The following PIEZO1 variants were observed in gnomAD, a reference collection of about 807,000 sequenced individuals.
PIEZO1 encodes the protein piezo-type mechanosensitive ion channel component 1.
PIEZO1 carries 296 observed loss-of-function variants against 297.2 expected under a neutral mutation model. That is an observed-to-expected ratio of 1.00 (90% CI 0.91 to 1.10). The LOEUF (loss-of-function observed/expected upper bound fraction) is 1.10. PIEZO1 is among the 50% of genes least tolerant of loss of function. PIEZO1 has a pLI of 0.00. For missense variants in PIEZO1, 5,018 were observed against 3,455.5 expected (o/e 1.45, Z -11.34); for synonymous variants, 2,427 against 1,507.5 (o/e 1.61, Z -14.13).
intron 31 of PIEZO1, 39 bp from the exon 32 acceptor site, chr16:88,723,367 G>A (rs910639635): frequency 3.5e-5 from 53 of 1,534,846 alleles, no homozygotes; most frequent in Non-Finnish European, 4.5e-5. Flanking sequence ...GGCCTCCCGA[G>A]CCATCAGACC....
At position 88,722,198 on chromosome 16, in the gene PIEZO1, T is replaced by C. The variant is rs1039102891; in HGVS notation, c.4955+20A>G. 4 of 1,540,900 alleles carry C rather than the reference T, an allele frequency of 2.6e-6. No individual in the cohort carries two copies. In the East Asian group the frequency reaches 7.3e-5, roughly 28 times the overall value. ...CCGAGGGCCATGGTGAGGCTGGTGT[T>C]GTGCGCGTCCCGCCCCCACCTGTCC... On this transcript the variant is annotated intron_variant, in intron 36 of 50. Coordinates refer to ENST00000301015, the MANE Select transcript of PIEZO1 (RefSeq NM_001142864.4).
intron 1 of PIEZO1, among the ~76,000 whole-genome samples, chr16:88,784,040 G>A (rs1279990084): frequency 6.6e-6 from 1 of 152,206 alleles, no homozygotes; most frequent in African/African-American, 2.4e-5. Context: ...CGGGCGGAGG[G>A]CGCGGACCCT....
At chr16:88,738,476 A>G (rs1487606067) in intron 6 of PIEZO1, 36 bp from the exon 7 acceptor site, 26 of 1,531,478 alleles carry the variant, frequency 1.7e-5, no homozygotes, top group Non-Finnish European at 2.3e-5. Flanking sequence ...GTACCTGGCC[A>G]GTGCCATGTG....
At position 88,720,499 on chromosome 16, in the gene PIEZO1, G is replaced by A. The variant is rs776602133; in HGVS notation, c.5835C>T (p.Phe1945=). ...ACTTGGTGTGCAGGATGTCGTGGAAGAAGCGCCGTAGCGGCCGATATGTGC... is the reference window on the plus strand; with the variant it reads ...ACTTGGTGTGCAGGATGTCGTGGAAAAAGCGCCGTAGCGGCCGATATGTGC... The part of the protein sequence containing the change: ...AQGTYRPLRR[F]FHDILHTKYR... The change falls in exon 41 of 51, where the codon TTC becomes TTT. Residue 1945 remains phenylalanine (F), a synonymous_variant. Coordinates refer to ENST00000301015, the MANE Select transcript of PIEZO1 (RefSeq NM_001142864.4). 25 of 1,550,224 alleles carry A rather than the reference G, an allele frequency of 1.6e-5. No individual in the cohort carries two copies. Among genetic ancestry groups the A allele is most frequent in the Non-Finnish European group, 2.1e-5 (24 of 1,146,978 alleles).
chr16:88,716,081 G>T lies in PIEZO1; in HGVS notation c.7168C>A (p.Arg2390=), dbSNP rs540641036. The change falls in exon 50 of 51, where the codon CGG becomes AGG. Residue 2390 remains arginine, a synonymous_variant. Coordinates refer to ENST00000301015, the MANE Select transcript of PIEZO1 (RefSeq NM_001142864.4). The part of the protein sequence containing the change: ...ADYLGVRIQL[R]REQGAGATGF... Reference sequence around the variant, plus strand: ...GTGGCCCCCGCACCCTGCTCCCTCCGCAGCTGGATACGCACGCCGAGGTAG... The same window carrying T: ...GTGGCCCCCGCACCCTGCTCCCTCCTCAGCTGGATACGCACGCCGAGGTAG... The T allele has an allele frequency of 6.5e-7, 1 of 1,549,612 alleles. No homozygotes were observed. Among genetic ancestry groups the T allele is most frequent in the Non-Finnish European group, 8.7e-7 (1 of 1,146,546 alleles).
rs146744525 is a variant in PIEZO1 at position 88,755,374 on chromosome 16, G to A, written c.65-5895C>T. Reference sequence around the variant, plus strand: ...ACCTACTCCCTGGCATTCACGTGCAGGAAAGAAAAAAAAGAGTGTCTAGTC... The same window carrying A: ...ACCTACTCCCTGGCATTCACGTGCAAGAAAGAAAAAAAAGAGTGTCTAGTC... On this transcript the variant is annotated intron_variant, in intron 1 of 50. Transcript: ENST00000301015. 2.1e-3 allele frequency among the ~76,000 whole-genome samples: 323 copies of A among 152,222 alleles called. 3 individuals carry two copies. The highest frequency in any genetic ancestry group is 7.3e-3 in the African/African-American group (305 of 41,544).
Position 88,723,238 on chromosome 16 carries a change from G to A in PIEZO1, c.4426C>T (p.Gln1476Ter), listed in dbSNP as rs1300994588. The A allele has an allele frequency of 6.5e-7, 1 of 1,546,786 alleles. No individual in the cohort carries two copies. Among genetic ancestry groups the A allele is most frequent in the Non-Finnish European group, 8.7e-7 (1 of 1,146,822 alleles). The change falls in exon 32 of 51, where the codon CAG becomes TAG. Residue 1476 changes from glutamine to a stop codon, truncating the protein, a stop_gained. Transcript: ENST00000301015. LOFTEE classifies it high-confidence loss of function. ...QEQARQEQAG[Q>*]LPTGGGPSQE... ...CCCCCCAGCTCACCTGTGGGTAGCT[G>A]TCCTGCCTGTTCCTGCCTTGCCTGC...
In PIEZO1 at chr16:88,716,588, G is replaced by C. The variant is rs1912053011; in HGVS notation, c.6897C>G (p.Ile2299Met). The change falls in exon 47 of 51, where the codon ATC becomes ATG. Residue 2299 changes from isoleucine to methionine, a missense_variant. Coordinates refer to ENST00000301015, the MANE Select transcript of PIEZO1 (RefSeq NM_001142864.4). Reference sequence around the variant, plus strand: ...GGAAGTTCCAGGTGAAGCGCAGGGTGATGTCGGCCGTGCCGTTGTAGAGCT... The same window carrying C: ...GGAAGTTCCAGGTGAAGCGCAGGGTCATGTCGGCCGTGCCGTTGTAGAGCT... The part of the protein sequence containing the change: ...KRELYNGTAD[I>M]TLRFTWNFQR... 1 of 1,547,656 alleles carries C rather than the reference G, an allele frequency of 6.5e-7. No individual in the cohort carries two copies. Among genetic ancestry groups the C allele is most frequent in the Admixed American group, 2.0e-5 (1 of 50,814 alleles).
chr16:88,716,596 C>T lies in PIEZO1; in HGVS notation c.6889G>A (p.Ala2297Thr). Residue 2297 changes from alanine to threonine, a missense_variant, in exon 47 of 51, where the codon GCC becomes ACC. Transcript: ENST00000301015. The stretch of plus-strand genomic sequence containing the variant: ...CAGGTGAAGCGCAGGGTGATGTCGG[C>T]CGTGCCGTTGTAGAGCTCCCGCTTC... ...QMKRELYNGTADITLRFTWNF... is the reference protein window; with the variant it reads ...QMKRELYNGTTDITLRFTWNF... 6.5e-7 allele frequency: 1 copy of T among 1,548,224 alleles called. No individual in the cohort carries two copies. Among genetic ancestry groups the T allele is most frequent in the Non-Finnish European group, 8.7e-7 (1 of 1,145,704 alleles).
Position 88,721,238 on chromosome 16 carries a change from T to A in PIEZO1, c.5596A>T (p.Thr1866Ser), listed in dbSNP as rs1912418453. 1 of 1,540,980 alleles carries A rather than the reference T, an allele frequency of 6.5e-7. No homozygotes were observed. Among genetic ancestry groups the A allele is most frequent in the Non-Finnish European group, 8.7e-7 (1 of 1,145,822 alleles). ...EPQVELRPRD[T>S]RRISLRFRRR... ...CTAAAACGTAGACTGATGCGCCTCG[T>A]ATCACGGGGCCTGAGCTCCACTTGG... is the stretch of plus-strand genomic sequence containing the variant. The change falls in exon 39 of 51, where the codon ACG (threonine) becomes TCG (serine). Residue 1866 changes from threonine (T) to serine (S), a missense_variant. By Grantham distance (58) the Thr-to-Ser change is moderately conservative (BLOSUM62 1). Transcript: ENST00000301015.
chr16:88,758,383 G>A (rs1906773587), intron 1 of PIEZO1, among the ~76,000 whole-genome samples: 1 of 152,214 alleles, frequency 6.6e-6, no homozygotes, highest in Non-Finnish European at 1.5e-5. Context: ...TGGCCTGGGG[G>A]CAACCCTGGC....
intron 5 of PIEZO1, 167 bp downstream of exon 5, chr16:88,741,311 C>G (rs896693053): frequency 3.2e-6 from 2 of 626,148 alleles, no homozygotes; most frequent in Non-Finnish European, 5.5e-6. Flanking sequence ...GATGGAACTG[C>G]AGGCTGGGCC....
At chr16:88,779,738 T>C (rs1015207271) in intron 1 of PIEZO1, among the ~76,000 whole-genome samples, 2 of 152,244 alleles carry the variant, frequency 1.3e-5, no homozygotes, top group Non-Finnish European at 2.9e-5. Context: ...TCTGTGCTCC[T>C]GGGAGCTGCC....
intron 21 of PIEZO1, 47 bp from the exon 22 acceptor site, chr16:88,731,957 G>GGGCGGGGTGTGGGGATGCACTGAGTCTGA (rs1555555060): frequency 1.0e-5 from 1 of 97,896 alleles, no homozygotes; most frequent in African/African-American, 6.1e-5. Context: ...GAGTCTGGGG[G>GGGCGGGGTGTGGGGATGCACTGAGTCTGA]GAGGGACTTT....
chr16:88,722,775 T>G, intron 34 of PIEZO1, 62 bp downstream of exon 34: 1 of 1,530,660 alleles, frequency 6.5e-7, no homozygotes, highest in Non-Finnish European at 8.8e-7. Context: ...GACTAGGCTG[T>G]TAAGCAGGCA....
intron 2 of PIEZO1, chr16:88,742,807 G>A (rs927258005): frequency 8.8e-6 from 3 of 342,084 alleles, no homozygotes; most frequent in Non-Finnish European, 1.7e-5. Context: ...CCTCACCCCA[G>A]TGGGGGCTGC....
At chr16:88,744,014 CTGCCCCGAACCCATAGG>C (rs1487431387) in intron 2 of PIEZO1, 2 of 203,310 alleles carry the variant, frequency 9.8e-6, no homozygotes, top group African/African-American at 4.7e-5. Context: ...CAGGGCCTCC[CTGCCCCGAACCCATAGG>C]TGCCAGGCTT....
At chr16:88,737,698 G>C (rs369884407) in intron 9 of PIEZO1, 30 bp downstream of exon 9, 2 of 1,533,316 alleles carry the variant, frequency 1.3e-6, no homozygotes, top group African/African-American at 1.4e-5. Flanking sequence ...CGCCCCCCAC[G>C]CTGGCGTCTC....
At position 88,721,189 on chromosome 16, in the gene PIEZO1, G is replaced by A. The variant is rs1450691829; in HGVS notation, c.5645C>T (p.Ala1882Val). The A allele has an allele frequency of 3.3e-6, 5 of 1,512,168 alleles. No individual in the cohort carries two copies. Among genetic ancestry groups the A allele is most frequent in the Admixed American group, 4.1e-5 (2 of 48,936 alleles). The allele number at this position is 1,512,168 out of a possible 1,614,324, so 93.7% of individuals were successfully genotyped here. ...ACCGATGGCTGCCGCTCCTTTCCGT[G>A]CTGGGCCCTCCTTCTTCCTTCTTCT... ...RFRRRKKEGPARKGAAAIEAE... is the reference protein window; with the variant it reads ...RFRRRKKEGPVRKGAAAIEAE... The change falls in exon 39 of 51, where the codon GCA becomes GTA. Residue 1882 changes from alanine to valine, a missense_variant. Coordinates refer to ENST00000301015, the MANE Select transcript of PIEZO1 (RefSeq NM_001142864.4).
Sources: gnomAD v4.1 joint callset for allele counts (sites outside exome capture counted in the v4.1 genomes callset) on GRCh38, gnomAD v4.1.1 for gene constraint, MANE v1.5 for transcripts, NCBI Gene and HGNC (gene_info 2026-07-23, HGNC 2026-07-21) for gene names.